The following INPP5A variants were observed in gnomAD, a reference collection of about 807,000 sequenced individuals.
INPP5A encodes the protein 43 kDa inositol polyphosphate 5-phophatase.
A neutral mutation model predicts 65.2 loss-of-function variants in INPP5A; 14 were observed. That is an observed-to-expected ratio of 0.21 (90% CI 0.14 to 0.34). INPP5A has a LOEUF of 0.34. INPP5A is among the 10% of genes least tolerant of loss of function. The probability of loss-of-function intolerance (pLI) is 1.00; values close to 1 mark genes in which losing one functional copy is unlikely to be tolerated. For synonymous variants in INPP5A, 207 were observed against 208.3 expected, an observed-to-expected ratio of 0.99 and a Z score of 0.05; for missense variants, 431 against 545.6, an observed-to-expected ratio of 0.79 and a Z score of 2.09.
intron 11 of INPP5A, among the ~76,000 whole-genome samples, chr10:132,754,160 G>T (rs1489829741): frequency 1.3e-5 from 2 of 152,204 alleles, no homozygotes; most frequent in Non-Finnish European, 2.9e-5. Context: ...CGCCACACAG[G>T]ATCCCCCCGC....
rs560600652 is a variant in INPP5A, at chr10:132,549,807, C to T, written c.75+11636C>T. On this transcript the variant is annotated intron_variant, in intron 1 of 15. Transcript: ENST00000368594. This position sits in a 1 kb window ranked among gnomAD's most constrained non-coding sequence, Gnocchi z 4.9. Reference sequence around the variant, plus strand: ...TCTGAATGGTGGGGTTGGTGTGTCTCTGTTACAGGATTGGTGTGACGTCTG... The same window carrying T: ...TCTGAATGGTGGGGTTGGTGTGTCTTTGTTACAGGATTGGTGTGACGTCTG... Among the ~76,000 whole-genome samples the T allele has an allele frequency of 1.0e-3, 154 of 152,344 alleles. 1 individual carries two copies. In the South Asian group the frequency reaches 0.01, roughly 10 times the overall value.
intron 12 of INPP5A, 152 bp downstream of exon 12, chr10:132,765,998 C>A: frequency 1.5e-6 from 1 of 646,164 alleles, no homozygotes; most frequent in Non-Finnish European, 2.9e-6. Context: ...GTGTACCATA[C>A]CTGTGTGTAC....
intron 11 of INPP5A, among the ~76,000 whole-genome samples, chr10:132,750,529 G>A (rs1846456692): frequency 6.6e-6 from 1 of 152,278 alleles, no homozygotes; most frequent in South Asian, 2.1e-4. Context: ...GCTGAGGGGC[G>A]GCCTACACAC....
In INPP5A at chr10:132,579,976, C is replaced by T. The variant is rs115165572; in HGVS notation, c.76-27939C>T. 4.9e-4 allele frequency among the ~76,000 whole-genome samples: 74 copies of T among 151,298 alleles called. 1 individual carries two copies. The highest frequency in any genetic ancestry group is 1.7e-3 in the African/African-American group (71 of 41,174). On this transcript the variant is annotated intron_variant, in intron 1 of 15. Coordinates refer to ENST00000368594, the MANE Select transcript of INPP5A (RefSeq NM_005539.5). ...TATCTTGCCTAGGCTGGTCCACTCC[C>T]GATACTGGAGTGGAGTCTGCCCCCG... is the stretch of plus-strand genomic sequence containing the variant.
At chr10:132,732,158 G>A (rs576022002) in intron 9 of INPP5A, among the ~76,000 whole-genome samples, 27 of 152,370 alleles carry the variant, frequency 1.8e-4, no homozygotes, top group Admixed American at 1.6e-3. Context: ...CCAGGCCCTG[G>A]CTTATAATGC....
At chr10:132,617,598 C>T (rs541693483) in intron 2 of INPP5A, among the ~76,000 whole-genome samples, 1 of 152,178 alleles carries the variant, frequency 6.6e-6, no homozygotes, top group African/African-American at 2.4e-5. Context: ...CCAGGACATC[C>T]ATTGTGACCT....
At chr10:132,780,138 C>T (rs1847135650) in intron 13 of INPP5A, among the ~76,000 whole-genome samples, 1 of 152,250 alleles carries the variant, frequency 6.6e-6, no homozygotes, top group Non-Finnish European at 1.5e-5. Flanking sequence ...CCTTGAGCTT[C>T]CCACTGCATT....
intron 11 of INPP5A, among the ~76,000 whole-genome samples, chr10:132,761,996 CATTAAA>C (rs1846743264): frequency 6.6e-6 from 1 of 152,124 alleles, no homozygotes; most frequent in Non-Finnish European, 1.5e-5. Context: ...GAAGTATTAT[CATTAAA>C]ATTAAAAGCT....
In INPP5A at chr10:132,704,670, G is replaced by C. The variant is rs576949207; in HGVS notation, c.475-3643G>C. Among the ~76,000 whole-genome samples, 2 of 152,074 alleles carry C rather than the reference G, an allele frequency of 1.3e-5. No individual in the cohort carries two copies. The highest frequency in any genetic ancestry group is 1.9e-4 in the East Asian group (1 of 5,174). On this transcript the variant is annotated intron_variant, in intron 6 of 15. Transcript: ENST00000368594. The surrounding 1 kb of genome is among the most constrained non-coding windows in gnomAD (Gnocchi z 4.5). ...GATCCTGTGCGTGGCTGGGCCGTGGGGGGGCAGTGGCTGTTCCAGGTGGGC... is the reference window on the plus strand; with the variant it reads ...GATCCTGTGCGTGGCTGGGCCGTGGCGGGGCAGTGGCTGTTCCAGGTGGGC...
intron 1 of INPP5A, among the ~76,000 whole-genome samples, chr10:132,577,502 C>T (rs1054756418): frequency 5.9e-5 from 9 of 152,228 alleles, no homozygotes; most frequent in African/African-American, 2.2e-4. Flanking sequence ...AAACAGTGGG[C>T]CCCTGCTGTC....
chr10:132,568,768 A>AC (rs1376145831), intron 1 of INPP5A, among the ~76,000 whole-genome samples: 2 of 152,286 alleles, frequency 1.3e-5, no homozygotes, highest in East Asian at 3.9e-4. Context: ...AAACAAAACA[A>AC]AACAAAACAC....
chr10:132,568,757 C>CAAACAAAACAAAACA (rs112407064), intron 1 of INPP5A, among the ~76,000 whole-genome samples: 1 of 151,742 alleles, frequency 6.6e-6, no homozygotes, highest in Admixed American at 6.6e-5. Context: ...AACTCTGTCT[C>CAAACAAAACAAAACA]AAACAAAACA....
chr10:132,598,567 C>A (rs2071737871), intron 1 of INPP5A, among the ~76,000 whole-genome samples: 1 of 152,216 alleles, frequency 6.6e-6, no homozygotes, highest in African/African-American at 2.4e-5. Flanking sequence ...TCAGAATACC[C>A]TTCCTTTTTA....
At position 132,762,741 on chromosome 10, in the gene INPP5A, A is replaced by T. The variant is rs996415034; in HGVS notation, c.904-3032A>T. On this transcript the variant is annotated intron_variant, in intron 11 of 15. Coordinates refer to ENST00000368594, the MANE Select transcript of INPP5A (RefSeq NM_005539.5). The surrounding 1 kb of genome is among the most constrained non-coding windows in gnomAD (Gnocchi z 4.6). ...ACATACTTGGGGCTGGGCACGGTAG[A>T]ACACTTGGGGAGGCCGAGGCAGGAG... Among the ~76,000 whole-genome samples the T allele has an allele frequency of 2.6e-5, 4 of 152,188 alleles. No homozygotes were observed. The highest frequency in any genetic ancestry group is 5.9e-5 in the Non-Finnish European group (4 of 68,036).
At chr10:132,598,581 C>T (rs933984260) in intron 1 of INPP5A, among the ~76,000 whole-genome samples, 3 of 152,206 alleles carry the variant, frequency 2.0e-5, no homozygotes, top group Non-Finnish European at 4.4e-5. Flanking sequence ...CTTTTTAAGG[C>T]TGAGTTATGT....
intron 9 of INPP5A, among the ~76,000 whole-genome samples, chr10:132,728,585 G>A (rs370618456): frequency 6.6e-6 from 1 of 152,352 alleles, no homozygotes; most frequent in Middle Eastern, 3.4e-3. Flanking sequence ...CCTGTTACTC[G>A]AGAGCCAGTG....
chr10:132,714,502 C>T (rs2098757023), intron 8 of INPP5A, among the ~76,000 whole-genome samples: 1 of 152,182 alleles, frequency 6.6e-6, no homozygotes, highest in Admixed American at 6.6e-5. Context: ...CGCAGGGAGA[C>T]AGCGAGGAGG....
intron 1 of INPP5A, among the ~76,000 whole-genome samples, chr10:132,588,012 CAAAA>C (rs796469034): frequency 7.2e-5 from 4 of 55,910 alleles, no homozygotes; most frequent in Admixed American, 2.0e-4. Context: ...AACTCCATCT[CAAAA>C]AAAAAAAAAA....
intron 2 of INPP5A, among the ~76,000 whole-genome samples, chr10:132,618,981 G>A (rs986730911): frequency 3.3e-5 from 5 of 152,058 alleles, no homozygotes; most frequent in Non-Finnish European, 5.9e-5. Context: ...AGATTTGGCC[G>A]GGGACAAATA....
Sources: allele counts gnomAD v4.1 joint callset (sites outside exome capture counted in the v4.1 genomes callset), GRCh38; gene constraint gnomAD v4.1.1; non-coding constraint Gnocchi (gnomAD v3.1); transcripts MANE v1.5; gene names NCBI Gene and HGNC (gene_info 2026-07-23, HGNC 2026-07-21).